The following PUM1 variants were observed in gnomAD, a reference collection of about 807,000 sequenced individuals.
PUM1 encodes the protein pumilio RNA binding family member 1.
In PUM1, 13 loss-of-function variants were observed where a neutral mutation model predicts 131.8. The observed-to-expected ratio is 0.10, with a 90% CI of 0.06 to 0.16. The LOEUF is 0.16. Ranked by LOEUF, PUM1 falls within the 10% of genes least tolerant of loss-of-function variation. The pLI is 1.00. For missense variants in PUM1, 961 were observed against 1,512.4 expected (o/e 0.64, Z 6.05); for synonymous variants, 509 against 556.5 (o/e 0.91, Z 1.20).
chr1:30,998,472 TAAA>T, intron 5 of PUM1, among the ~76,000 whole-genome samples: 1 of 150,752 alleles, frequency 6.6e-6, no homozygotes, highest in South Asian at 2.1e-4. Context: ...ACGCCATCTC[TAAA>T]AAAAAAGTTT....
intron 15 of PUM1, among the ~76,000 whole-genome samples, 188 bp downstream of exon 15, chr1:30,953,526 A>G: frequency 6.6e-6 from 1 of 152,344 alleles, no homozygotes; most frequent in South Asian, 2.1e-4. Flanking sequence ...AAAGCAGCCG[A>G]AGTGTATGTA....
At chr1:31,003,228 T>C (rs953208345) in intron 5 of PUM1, among the ~76,000 whole-genome samples, 6 of 152,164 alleles carry the variant, frequency 3.9e-5, no homozygotes, top group African/African-American at 1.4e-4. Flanking sequence ...AGAACAATTA[T>C]CTACAAGAAG....
intron 9 of PUM1, among the ~76,000 whole-genome samples, chr1:30,977,878 G>A (rs1415949061): frequency 1.3e-5 from 2 of 152,160 alleles, no homozygotes; most frequent in Non-Finnish European, 2.9e-5. Flanking sequence ...TGAAGCATAC[G>A]CATGAGCTTT....
At chr1:31,058,237 T>G (rs569408333) in intron 2 of PUM1, among the ~76,000 whole-genome samples, 3 of 152,232 alleles carry the variant, frequency 2.0e-5, no homozygotes, top group African/African-American at 7.2e-5. Context: ...AACTACAACA[T>G]CTTAAAATCA....
intron 1 of PUM1, among the ~76,000 whole-genome samples, chr1:31,063,765 CT>C (rs1644418266): frequency 6.6e-6 from 1 of 152,140 alleles, no homozygotes; most frequent in Non-Finnish European, 1.5e-5. Flanking sequence ...AAACAATTGG[CT>C]TTTGTAAAGC....
At chr1:31,059,886 G>A (rs949112892) in intron 1 of PUM1, among the ~76,000 whole-genome samples, 7 of 150,452 alleles carry the variant, frequency 4.7e-5, no homozygotes, top group Middle Eastern at 3.2e-3. Context: ...TGCCCCTGTT[G>A]CCCAGGCTAG....
chr1:31,048,533 G>C (rs1461938401), intron 2 of PUM1, among the ~76,000 whole-genome samples: 2 of 150,550 alleles, frequency 1.3e-5, no homozygotes, highest in Non-Finnish European at 3.0e-5. Context: ...GGAGTGCAAT[G>C]GTGCGATCTC....
chr1:30,944,157 G>T (rs1486496691), intron 18 of PUM1, among the ~76,000 whole-genome samples: 1 of 152,072 alleles, frequency 6.6e-6, no homozygotes, highest in East Asian at 1.9e-4. Context: ...AACCACGTGG[G>T]TTGCTGTCAG....
chr1:30,980,162 A>T lies in PUM1; in HGVS notation c.1254T>A (p.Gly418=). 1 of 1,613,484 alleles carries T rather than the reference A, an allele frequency of 6.2e-7. No homozygotes were observed. The highest frequency in any genetic ancestry group is 8.5e-7 in the Non-Finnish European group (1 of 1,179,630). ...TGGGGACAAACGCAGCGGGAGCTAA[A>T]CCTGCTGAAAACATACCTGTCAGTA... is the stretch of plus-strand genomic sequence containing the variant. ...ALAAAHQPHI[G]LAPAAFVPNP... is the part of the protein sequence containing the mutation. The change falls in exon 9 of 22, where the codon GGT becomes GGA. Residue 418 remains glycine, a splice_region_variant and synonymous_variant. Coordinates refer to ENST00000426105, the MANE Select transcript of PUM1 (RefSeq NM_001020658.2).
At chr1:30,950,573 A>C (rs1207261731) in intron 16 of PUM1, among the ~76,000 whole-genome samples, 3 of 152,244 alleles carry the variant, frequency 2.0e-5, no homozygotes, top group African/African-American at 7.2e-5. Flanking sequence ...CTATTAAATG[A>C]ATCTGGCCAG....
At chr1:31,020,394 T>A (rs1201336207) in intron 3 of PUM1, among the ~76,000 whole-genome samples, 1 of 152,236 alleles carries the variant, frequency 6.6e-6, no homozygotes, top group African/African-American at 2.4e-5. Flanking sequence ...TAACAATTTA[T>A]TTTGACTACA....
intron 5 of PUM1, among the ~76,000 whole-genome samples, chr1:30,996,473 A>G (rs1557576688): frequency 6.6e-6 from 1 of 152,238 alleles, no homozygotes; most frequent in Non-Finnish European, 1.5e-5. Flanking sequence ...AAAGGCTGAC[A>G]TTCTTAAACC....
rs568660300 is a variant in PUM1 at position 30,998,674 on chromosome 1, T to C, written c.721-3454A>G. ...AAAGAAAAATAAAAGACTTGACTGA[T>C]ATTTTGAGCTCTCCTGTTATTCTGA... On this transcript the variant is annotated intron_variant, in intron 5 of 21. Coordinates refer to ENST00000426105, the MANE Select transcript of PUM1 (RefSeq NM_001020658.2). Among the ~76,000 whole-genome samples, 30 of 152,284 alleles carry C rather than the reference T, an allele frequency of 2.0e-4. 1 individual carries two copies. The South Asian group carries it at 5.0e-3, about 25-fold the overall frequency.
chr1:30,944,223 C>T (rs1037886250), intron 18 of PUM1, among the ~76,000 whole-genome samples: 1 of 152,150 alleles, frequency 6.6e-6, no homozygotes, highest in Non-Finnish European at 1.5e-5. Context: ...TACTACACAT[C>T]ACATATCACT....
rs1318005175 is a variant in PUM1 at position 30,932,949 on chromosome 1, T to C, written c.*262A>G. ...TGGCCTCCCATGTACATTGGTTACC[T>C]ATGTACAAGTATCCTATACACCAGT... On this transcript the variant is annotated 3_prime_UTR_variant, in exon 22 of 22. Transcript: ENST00000426105. 3.2e-6 allele frequency: 1 copy of C among 308,152 alleles called. No homozygotes were observed. Among genetic ancestry groups the C allele is most frequent in the Non-Finnish European group, 5.9e-6 (1 of 169,580 alleles). The allele number at this position is 308,152 out of a possible 1,614,324, so 19.1% of individuals were successfully genotyped here.
intron 3 of PUM1, among the ~76,000 whole-genome samples, chr1:31,009,782 A>ACAAAACAAAAAC (rs1553150212): frequency 2.2e-4 from 27 of 125,354 alleles, no homozygotes; most frequent in African/African-American, 6.9e-4. Flanking sequence ...AAAAAAAAAA[A>ACAAAACAAAAAC]AAAAACAAAA....
At chr1:30,979,950 TG>T in intron 9 of PUM1, 111 bp downstream of exon 9, 1 of 713,954 alleles carries the variant, frequency 1.4e-6, no homozygotes, top group Non-Finnish European at 2.2e-6. Flanking sequence ...ATTGAAAATC[TG>T]GATAATCTCC....
intron 3 of PUM1, among the ~76,000 whole-genome samples, chr1:31,025,545 CTTTTT>C (rs35510099): frequency 2.3e-5 from 2 of 88,822 alleles, no homozygotes; most frequent in Non-Finnish European, 2.0e-5. Context: ...TGTTTTTTGT[CTTTTT>C]TTTTTTTTTT....
chr1:31,040,795 T>C (rs1043410859), intron 2 of PUM1, among the ~76,000 whole-genome samples: 1 of 151,176 alleles, frequency 6.6e-6, no homozygotes, highest in African/African-American at 2.4e-5. Context: ...AAAAAAAAAA[T>C]AACATGAAAG....
Sources: gnomAD v4.1 joint callset for allele counts (sites outside exome capture counted in the v4.1 genomes callset) on GRCh38, gnomAD v4.1.1 for gene constraint, MANE v1.5 for transcripts, NCBI Gene and HGNC (gene_info 2026-07-23, HGNC 2026-07-21) for gene names.